CIT: variants seen among roughly 807,000 people sequenced by gnomAD.
CIT encodes citron Rho-interacting kinase.
CIT carries 79 observed loss-of-function variants against 272.7 expected under a neutral mutation model. The ratio of observed to expected loss-of-function variants is 0.29; its 90% confidence interval spans 0.24 to 0.35. The LOEUF is 0.35. CIT is among the 10% of genes least tolerant of loss of function. The probability of loss-of-function intolerance (pLI) is 1.00; values close to 1 mark genes in which losing one functional copy is unlikely to be tolerated. For missense variants in CIT, 1,909 were observed against 2,618.3 expected (o/e 0.73, Z 5.91); for synonymous variants, 948 against 995.6 (o/e 0.95, Z 0.90).
intron 19 of CIT, among the ~76,000 whole-genome samples, chr12:119,764,450 A>G (rs1025587228): frequency 6.6e-6 from 1 of 152,086 alleles, no homozygotes; most frequent in African/African-American, 2.4e-5. Flanking sequence ...ATTAAAACTC[A>G]ACAGAAAATT....
intron 7 of CIT, among the ~76,000 whole-genome samples, chr12:119,826,838 A>G (rs1193017095): frequency 1.3e-5 from 2 of 152,196 alleles, no homozygotes; most frequent in Admixed American, 6.5e-5. Context: ...CCAAGGAAGT[A>G]AATTTGCTTT....
At chr12:119,813,856 T>C (rs1966901688) in intron 9 of CIT, among the ~76,000 whole-genome samples, 1 of 152,156 alleles carries the variant, frequency 6.6e-6, no homozygotes, top group Non-Finnish European at 1.5e-5. Context: ...GGAAACCCAG[T>C]GGTGAAATTC....
At chr12:119,818,574 C>T (rs1018430322) in intron 9 of CIT, among the ~76,000 whole-genome samples, 18 of 152,248 alleles carry the variant, frequency 1.2e-4, no homozygotes, top group African/African-American at 3.6e-4. Flanking sequence ...GGGACCACCA[C>T]TGAGTCACTG....
intron 9 of CIT, among the ~76,000 whole-genome samples, chr12:119,812,745 A>AT (rs11315906): frequency 0.025 from 3,259 of 128,172 alleles, 62 homozygotes; most frequent in Non-Finnish European, 0.036. Context: ...TTTATTCTTA[A>AT]TTTTTTTTTT....
intron 3 of CIT, among the ~76,000 whole-genome samples, chr12:119,859,298 C>T (rs1346303929): frequency 6.6e-6 from 1 of 152,166 alleles, no homozygotes; most frequent in Non-Finnish European, 1.5e-5. Flanking sequence ...ATCCCAAACA[C>T]ACACTGGAAT....
intron 10 of CIT, among the ~76,000 whole-genome samples, chr12:119,790,596 A>G (rs1230875294): frequency 6.6e-6 from 1 of 152,126 alleles, no homozygotes; most frequent in Non-Finnish European, 1.5e-5. Context: ...ACACCCAGAG[A>G]GGGAGAGAGA....
Position 119,713,384 on chromosome 12 carries a change from G to A in CIT, c.4487+84C>T, listed in dbSNP as rs1957274362. 6.3e-7 allele frequency: 1 copy of A among 1,588,810 alleles called. No individual in the cohort carries two copies. The highest frequency in any genetic ancestry group is 8.6e-7 in the Non-Finnish European group (1 of 1,161,660). On this transcript the variant is annotated intron_variant, in intron 34 of 47. Coordinates refer to ENST00000392521, the MANE Select transcript of CIT (RefSeq NM_001206999.2). This position sits in a 1 kb window ranked among gnomAD's most constrained non-coding sequence, Gnocchi z 5.2. ...GGATGAGGGGGTGGCAGAGTTCCTAGAAAAGACACTTCCCTAGAAAACATC... is the reference window on the plus strand; with the variant it reads ...GGATGAGGGGGTGGCAGAGTTCCTAAAAAAGACACTTCCCTAGAAAACATC...
In CIT at chr12:119,710,745, C is replaced by T; in HGVS notation, c.4855-125G>A. ...TTATTCCTGGAAATGCTCAGAAACGCACATATGCTCTTAGCTCAGCCCGTA... is the reference window on the plus strand; with the variant it reads ...TTATTCCTGGAAATGCTCAGAAACGTACATATGCTCTTAGCTCAGCCCGTA... On this transcript the variant is annotated intron_variant, in intron 37 of 47. Coordinates refer to ENST00000392521, the MANE Select transcript of CIT (RefSeq NM_001206999.2). This position sits in a 1 kb window ranked among gnomAD's most constrained non-coding sequence, Gnocchi z 5.6. 4.4e-6 allele frequency: 4 copies of T among 899,590 alleles called. No individual in the cohort carries two copies. Among genetic ancestry groups the T allele is most frequent in the South Asian group, 4.4e-5 (3 of 68,698 alleles). The allele number at this position is 899,590 out of a possible 1,614,324, so 55.7% of individuals were successfully genotyped here. A position where few individuals can be genotyped will look rare whatever the true frequency, so the allele number is the denominator to read the frequency against.
At chr12:119,696,408 C>G (rs1461305598) in intron 46 of CIT, among the ~76,000 whole-genome samples, 1 of 152,178 alleles carries the variant, frequency 6.6e-6, no homozygotes, top group Non-Finnish European at 1.5e-5. Flanking sequence ...ACTCAGAGGG[C>G]TAGGGTTAAT....
At chr12:119,792,472 TTTTA>T (rs958845894) in intron 10 of CIT, among the ~76,000 whole-genome samples, 1 of 152,104 alleles carries the variant, frequency 6.6e-6, no homozygotes, top group Non-Finnish European at 1.5e-5. Flanking sequence ...TGTGAACTTG[TTTTA>T]TTTATTTATT....
chr12:119,720,851 A>C lies in CIT; in HGVS notation c.3733-266T>G, dbSNP rs368345493. ...TATAGAAATCTTCCAACTTCTCTGAATGTTTGCAATCTTTGAAAATAAAAT... is the reference window on the plus strand; with the variant it reads ...TATAGAAATCTTCCAACTTCTCTGACTGTTTGCAATCTTTGAAAATAAAAT... On this transcript the variant is annotated intron_variant, in intron 29 of 47. Coordinates refer to ENST00000392521, the MANE Select transcript of CIT (RefSeq NM_001206999.2). Among the ~76,000 whole-genome samples the C allele has an allele frequency of 2.6e-5, 4 of 152,244 alleles. No homozygotes were observed. In the East Asian group the frequency reaches 7.7e-4, roughly 29 times the overall value.
chr12:119,782,856 G>A (rs2137694194), intron 12 of CIT: 1 of 461,104 alleles, frequency 2.2e-6, no homozygotes, highest in Non-Finnish European at 3.9e-6. Context: ...TAGGGATCCA[G>A]CCGGAAACTG....
chr12:119,767,375 C>T (rs191091103), intron 18 of CIT, among the ~76,000 whole-genome samples, 193 bp from the exon 19 acceptor site: 3 of 152,314 alleles, frequency 2.0e-5, no homozygotes, highest in East Asian at 1.9e-4. Flanking sequence ...TCCAAGTATT[C>T]GCACACACAT....
At chr12:119,864,810 A>G (rs1950469833) in intron 3 of CIT, among the ~76,000 whole-genome samples, 1 of 152,230 alleles carries the variant, frequency 6.6e-6, no homozygotes, top group South Asian at 2.1e-4. Context: ...AGAGTAATTA[A>G]GAAAGACAAA....
At chr12:119,810,536 C>T (rs1485978404) in intron 9 of CIT, among the ~76,000 whole-genome samples, 1 of 151,634 alleles carries the variant, frequency 6.6e-6, no homozygotes, top group Non-Finnish European at 1.5e-5. Context: ...CCCATCTCTA[C>T]TAAAAAAAAT....
rs753003377 is a variant in CIT, at chr12:119,718,555, G to A, written c.4003+144C>T. ...ACTTGGCAATGCACAGGGGCCATAC[G>A]TTTTTCAGACATGGGATGTCTGGTC... On this transcript the variant is annotated intron_variant, in intron 31 of 47. Transcript: ENST00000392521. This position sits in a 1 kb window ranked among gnomAD's most constrained non-coding sequence, Gnocchi z 4.8. 3.3e-5 allele frequency: 47 copies of A among 1,407,562 alleles called. 1 individual carries two copies. The highest frequency in any genetic ancestry group is 4.6e-5 in the East Asian group (2 of 43,618). 87.2% of individuals were successfully genotyped at this position (1,407,562 alleles called of 1,614,324 possible).
In CIT at chr12:119,687,828, A is replaced by T; in HGVS notation, c.*404T>A. The T allele has an allele frequency of 5.6e-6, 1 of 177,340 alleles. No homozygotes were observed. The highest frequency in any genetic ancestry group is 1.5e-4 in the East Asian group (1 of 6,834). The allele number at this position is 177,340 out of a possible 1,614,324, so 11.0% of individuals were successfully genotyped here. ...AAAAAAAAAAAGGAAAGAAACAAAG[A>T]GAAAAAAAAAAGAAAAACCAACCAA... On this transcript the variant is annotated 3_prime_UTR_variant, in exon 48 of 48. Transcript: ENST00000392521.
intron 47 of CIT, among the ~76,000 whole-genome samples, chr12:119,688,835 C>G (rs1382682679): frequency 6.6e-6 from 1 of 152,218 alleles, no homozygotes; most frequent in East Asian, 1.9e-4. Context: ...TGAACACTTT[C>G]TGTGTAGCCT....
chr12:119,786,226 C>G (rs764084189), intron 10 of CIT, among the ~76,000 whole-genome samples: 1 of 152,118 alleles, frequency 6.6e-6, no homozygotes, highest in African/African-American at 2.4e-5. Context: ...CAAGAGGGAG[C>G]TGGGGTAGAC....
Sources: gnomAD v4.1 joint callset for allele counts (sites outside exome capture counted in the v4.1 genomes callset) on GRCh38, gnomAD v4.1.1 for gene constraint, Gnocchi (gnomAD v3.1) non-coding constraint, MANE v1.5 for transcripts, NCBI Gene and HGNC (gene_info 2026-07-23, HGNC 2026-07-21) for gene names.